GLCCI1: variants seen among roughly 807,000 people sequenced by gnomAD.
GLCCI1 encodes the protein glucocorticoid-induced transcript 1 protein.
GLCCI1 carries 24 observed loss-of-function variants against 52.2 expected under a neutral mutation model. That is an observed-to-expected ratio of 0.46 (90% CI 0.33 to 0.65). The LOEUF is 0.65. Among genes scored for constraint, GLCCI1 ranks in the 30% least tolerant of loss-of-function variants. The probability of loss-of-function intolerance (pLI) is 0.02; values close to 1 mark genes in which losing one functional copy is unlikely to be tolerated. For synonymous variants in GLCCI1, 310 were observed against 276.5 expected, an observed-to-expected ratio of 1.12 and a Z score of -1.20; for missense variants, 704 against 701.5, an observed-to-expected ratio of 1.00 and a Z score of -0.04.
At chr7:8,020,486 G>C (rs964199556) in intron 2 of GLCCI1, among the ~76,000 whole-genome samples, 14 of 152,214 alleles carry the variant, frequency 9.2e-5, no homozygotes, top group Admixed American at 8.5e-4. Flanking sequence ...AAGATAATCT[G>C]TGAGATAAGA....
chr7:8,073,112 A>G (rs1382698502), intron 6 of GLCCI1, among the ~76,000 whole-genome samples: 1 of 152,158 alleles, frequency 6.6e-6, no homozygotes, highest in Non-Finnish European at 1.5e-5. Context: ...TGCAGGAGAC[A>G]TTGTAACATA....
At chr7:8,069,102 G>A (rs372027423) in intron 5 of GLCCI1, among the ~76,000 whole-genome samples, 27 of 152,246 alleles carry the variant, frequency 1.8e-4, no homozygotes, top group Middle Eastern at 3.4e-3. Flanking sequence ...GGCACTCCCA[G>A]GCTGCAGCCC....
chr7:8,038,654 G>C (rs1257331960), intron 3 of GLCCI1, among the ~76,000 whole-genome samples: 3 of 152,084 alleles, frequency 2.0e-5, no homozygotes, highest in Admixed American at 6.5e-5. Flanking sequence ...TAAACATTTT[G>C]GAGGAAACCT....
chr7:8,043,488 A>G (rs1199668849), intron 3 of GLCCI1, among the ~76,000 whole-genome samples: 1 of 152,238 alleles, frequency 6.6e-6, no homozygotes, highest in Admixed American at 6.5e-5. Flanking sequence ...ACTACATGTT[A>G]TATGATTATA....
intron 3 of GLCCI1, among the ~76,000 whole-genome samples, chr7:8,034,830 G>T (rs1781830721): frequency 1.3e-5 from 2 of 152,162 alleles, no homozygotes; most frequent in East Asian, 1.9e-4. Flanking sequence ...TCCCCTCGCA[G>T]CAAACTGCTG....
At chr7:8,063,143 T>C (rs1266230220) in intron 5 of GLCCI1, among the ~76,000 whole-genome samples, 1 of 152,068 alleles carries the variant, frequency 6.6e-6, no homozygotes, top group Non-Finnish European at 1.5e-5. Context: ...TTGACTTTTT[T>C]GTTTTGTTTT....
chr7:7,978,062 A>G lies in GLCCI1; in HGVS notation c.457+8255A>G, dbSNP rs79775957. Among the ~76,000 whole-genome samples, 1,385 of 152,346 alleles carry G rather than the reference A, an allele frequency of 9.1e-3. 22 individuals carry two copies. Among genetic ancestry groups the G allele is most frequent in the African/African-American group, 0.028 (1,179 of 41,584 alleles). On this transcript the variant is annotated intron_variant, in intron 1 of 7. Coordinates refer to ENST00000223145, the MANE Select transcript of GLCCI1 (RefSeq NM_138426.4). The stretch of plus-strand genomic sequence containing the variant: ...AGAAAGCTAAATGGGACTAGACGCT[A>G]GGGTGCATGGAACTTAAAATAGCTG...
chr7:7,981,898 G>C (rs914870512), intron 1 of GLCCI1: 5 of 463,556 alleles, frequency 1.1e-5, no homozygotes, highest in African/African-American at 1.0e-4. Flanking sequence ...TCACACACAA[G>C]TAAAAATCAC....
At position 7,969,170 on chromosome 7, in the gene GLCCI1, C is replaced by T. The variant is rs568637963; in HGVS notation, c.-181C>T. 10 of 550,686 alleles carry T rather than the reference C, an allele frequency of 1.8e-5. No homozygotes were observed. The highest frequency in any genetic ancestry group is 2.5e-5 in the Non-Finnish European group (10 of 400,252). 34.1% of individuals were successfully genotyped at this position (550,686 alleles called of 1,614,324 possible). A position where few individuals can be genotyped will look rare whatever the true frequency, so the allele number is the denominator to read the frequency against. The stretch of plus-strand genomic sequence containing the variant: ...TTCGCAGCCTTCCCCTCCCCCCTCG[C>T]CGAGGCGGCGGGGGTGTGCGTTGGG... On this transcript the variant is annotated 5_prime_UTR_variant, in exon 1 of 8. Coordinates refer to ENST00000223145, the MANE Select transcript of GLCCI1 (RefSeq NM_138426.4). This position sits in a 1 kb window ranked among gnomAD's most constrained non-coding sequence, Gnocchi z 4.9.
intron 2 of GLCCI1, among the ~76,000 whole-genome samples, chr7:8,013,637 A>G (rs1262102511): frequency 6.6e-6 from 1 of 152,206 alleles, no homozygotes; most frequent in Non-Finnish European, 1.5e-5. Context: ...AGAAAGGGGT[A>G]TATCTTTTTA....
Position 8,086,113 on chromosome 7 carries a change from G to C in GLCCI1, c.1299-80G>C. 2.5e-6 allele frequency: 3 copies of C among 1,222,074 alleles called. No homozygotes were observed. The highest frequency in any genetic ancestry group is 3.4e-6 in the Non-Finnish European group (3 of 869,968). 75.7% of individuals were successfully genotyped at this position (1,222,074 alleles called of 1,614,324 possible). On this transcript the variant is annotated intron_variant, in intron 7 of 7. Transcript: ENST00000223145. This position sits in a 1 kb window ranked among gnomAD's most constrained non-coding sequence, Gnocchi z 4.4. ...TGCCATTTACATTTTAGCTGTTTTA[G>C]AGAACTCCAGTTAATTCAGAAAATG...
At chr7:8,060,597 A>G (rs1782492197) in intron 5 of GLCCI1, among the ~76,000 whole-genome samples, 1 of 152,212 alleles carries the variant, frequency 6.6e-6, no homozygotes, top group Non-Finnish European at 1.5e-5. Flanking sequence ...TGGCCTTCTT[A>G]ACTGGATTTT....
At chr7:7,996,415 A>T (rs1051986471) in intron 1 of GLCCI1, among the ~76,000 whole-genome samples, 3 of 147,478 alleles carry the variant, frequency 2.0e-5, no homozygotes, top group Non-Finnish European at 3.0e-5. Context: ...ATATGTAATT[A>T]AAAAAAAAAA....
At chr7:8,038,058 G>T (rs1477484577) in intron 3 of GLCCI1, among the ~76,000 whole-genome samples, 1 of 152,158 alleles carries the variant, frequency 6.6e-6, no homozygotes, top group African/African-American at 2.4e-5. Flanking sequence ...GAAATTTACA[G>T]AATATTCACA....
chr7:7,994,610 A>C (rs982132683), intron 1 of GLCCI1, among the ~76,000 whole-genome samples: 1 of 152,180 alleles, frequency 6.6e-6, no homozygotes, highest in African/African-American at 2.4e-5. Flanking sequence ...CTCATGGCCT[A>C]ATTGCCTCTT....
At position 8,060,206 on chromosome 7, in the gene GLCCI1, G is replaced by C. The variant is rs779054115; in HGVS notation, c.924G>C (p.Lys308Asn). 1.2e-6 allele frequency: 2 copies of C among 1,611,896 alleles called. No homozygotes were observed. Among genetic ancestry groups the C allele is most frequent in the South Asian group, 2.2e-5 (2 of 90,956 alleles). The change falls in exon 5 of 8, where the codon AAG becomes AAC. Residue 308 changes from lysine to asparagine, a missense_variant. Around this residue, in one of 3 missense-constraint regions of GLCCI1, gnomAD observed 547 missense variants for 524.8 expected, o/e 1.04. Coordinates refer to ENST00000223145, the MANE Select transcript of GLCCI1 (RefSeq NM_138426.4). ...NVEGISPELEKVFIKENNGKE... is the reference protein window; with the variant it reads ...NVEGISPELENVFIKENNGKE... ...AAGGAATAAGTCCTGAATTAGAAAA[G>C]GTATTCATTAAAGAAAATAATGGGA...
At chr7:7,977,895 C>T (rs1780527585) in intron 1 of GLCCI1, among the ~76,000 whole-genome samples, 2 of 152,252 alleles carry the variant, frequency 1.3e-5, no homozygotes, top group South Asian at 4.2e-4. Context: ...TGCTCTAAGT[C>T]CTGACTTCAA....
chr7:7,987,661 C>T (rs927530754), intron 1 of GLCCI1, among the ~76,000 whole-genome samples: 1 of 152,184 alleles, frequency 6.6e-6, no homozygotes, highest in Non-Finnish European at 1.5e-5. Context: ...AATCATAGTT[C>T]ACTGTAACCC....
chr7:8,000,850 A>G (rs1781037438), intron 1 of GLCCI1, among the ~76,000 whole-genome samples: 1 of 152,124 alleles, frequency 6.6e-6, no homozygotes, highest in Admixed American at 6.5e-5. Flanking sequence ...ATCAGAGACT[A>G]GGATTGCAAT....
Sources: allele counts gnomAD v4.1 joint callset (sites outside exome capture counted in the v4.1 genomes callset), GRCh38; gene constraint gnomAD v4.1.1; regional missense constraint gnomAD v4.1.1; non-coding constraint Gnocchi (gnomAD v3.1); transcripts MANE v1.5; gene names NCBI Gene and HGNC (gene_info 2026-07-23, HGNC 2026-07-21).